Variants in CEP85L observed in about 807,000 individuals in gnomAD.
The protein encoded by CEP85L is centrosomal protein 85L, also known as centrosomal protein of 85 kDa-like.
A neutral mutation model predicts 100.3 loss-of-function variants in CEP85L; 60 were observed. The ratio of observed to expected loss-of-function variants is 0.60; its 90% CI spans 0.49 to 0.74. The LOEUF is 0.74. Among genes scored for constraint, CEP85L ranks in the 30% least tolerant of loss-of-function variants. The pLI is 0.00. For missense variants in CEP85L, 973 were observed against 936.2 expected, an observed-to-expected ratio of 1.04 and a Z score of -0.51; for synonymous variants, 319 against 322.7, an observed-to-expected ratio of 0.99 and a Z score of 0.12.
intron 1 of CEP85L, among the ~76,000 whole-genome samples, chr6:118,669,035 C>T (rs1776216103): frequency 6.6e-6 from 1 of 152,172 alleles, no homozygotes; most frequent in Non-Finnish European, 1.5e-5. Context: ...AACTTTCTGA[C>T]TTAAGACATT....
At chr6:118,605,787 C>G (rs1772157851) in intron 2 of CEP85L, among the ~76,000 whole-genome samples, 1 of 152,074 alleles carries the variant, frequency 6.6e-6, no homozygotes, top group African/African-American at 2.4e-5. Flanking sequence ...CCGAGGCGGG[C>G]AGATCACGAG....
chr6:118,491,535 G>A (rs1049750127), intron 6 of CEP85L, 151 bp downstream of exon 6: 2 of 1,417,894 alleles, frequency 1.4e-6, no homozygotes, highest in African/African-American at 2.9e-5. Context: ...GCAGACAGCA[G>A]AGGGCTTCTC....
At chr6:118,474,107 T>C in intron 10 of CEP85L, among the ~76,000 whole-genome samples, 1 of 152,166 alleles carries the variant, frequency 6.6e-6, no homozygotes, top group East Asian at 1.9e-4. Context: ...TACCACTCAA[T>C]GAAATTGGTG....
chr6:118,476,957 C>A (rs970685033), intron 10 of CEP85L, among the ~76,000 whole-genome samples: 1 of 152,106 alleles, frequency 6.6e-6, no homozygotes, highest in East Asian at 1.9e-4. Context: ...AAAAGGCTTA[C>A]GGATTTGAAA....
At chr6:118,626,614 G>A (rs1216445013) in intron 2 of CEP85L, among the ~76,000 whole-genome samples, 2 of 152,024 alleles carry the variant, frequency 1.3e-5, no homozygotes, top group Non-Finnish European at 2.9e-5. Context: ...AGTTTAAAAG[G>A]CAATCACCCA....
At chr6:118,590,755 T>C (rs1053455062) in intron 2 of CEP85L, among the ~76,000 whole-genome samples, 21 of 152,180 alleles carry the variant, frequency 1.4e-4, no homozygotes, top group African/African-American at 3.9e-4. Flanking sequence ...AAACAAGTAT[T>C]GTCAGGTATT....
chr6:118,525,750 T>C (rs774451098), intron 3 of CEP85L, among the ~76,000 whole-genome samples: 1 of 152,216 alleles, frequency 6.6e-6, no homozygotes, highest in Admixed American at 6.5e-5. Flanking sequence ...AGCTAGCTCA[T>C]TTGTGATACT....
intron 1 of CEP85L, among the ~76,000 whole-genome samples, chr6:118,675,416 T>C (rs1219293758): frequency 6.6e-6 from 1 of 152,022 alleles, no homozygotes; most frequent in Non-Finnish European, 1.5e-5. Context: ...AATTAGATAA[T>C]GTTGATGGTT....
intron 1 of CEP85L, among the ~76,000 whole-genome samples, chr6:118,661,107 A>G (rs982605806): frequency 6.6e-6 from 1 of 152,010 alleles, no homozygotes; most frequent in African/African-American, 2.4e-5. Flanking sequence ...GGCTGGTCTC[A>G]AACTCCTGAC....
intron 2 of CEP85L, among the ~76,000 whole-genome samples, chr6:118,604,481 G>A (rs569999655): frequency 9.2e-5 from 14 of 152,096 alleles, no homozygotes; most frequent in Admixed American, 6.5e-4. Flanking sequence ...CCACATTCCC[G>A]TGCCTTCTTA....
intron 6 of CEP85L, among the ~76,000 whole-genome samples, chr6:118,484,793 T>C (rs1343119513): frequency 6.6e-6 from 1 of 152,154 alleles, no homozygotes; most frequent in Non-Finnish European, 1.5e-5. Flanking sequence ...TGCAGAGAAA[T>C]TGCTTATAGT....
chr6:118,576,875 G>A (rs756382188), intron 2 of CEP85L, among the ~76,000 whole-genome samples: 15 of 143,194 alleles, frequency 1.0e-4, no homozygotes, highest in Non-Finnish European at 2.0e-4. Flanking sequence ...GGCTGGAATA[G>A]ATTAAATATT....
intron 1 of CEP85L, among the ~76,000 whole-genome samples, chr6:118,671,161 G>A (rs556267892): frequency 2.0e-5 from 3 of 152,206 alleles, no homozygotes; most frequent in South Asian, 2.1e-4. Flanking sequence ...TATGGACAGT[G>A]GATCTCTATC....
At chr6:118,513,427 C>T (rs945499818) in intron 4 of CEP85L, among the ~76,000 whole-genome samples, 1 of 151,978 alleles carries the variant, frequency 6.6e-6, no homozygotes, top group Non-Finnish European at 1.5e-5. Context: ...AAATAGATTA[C>T]AGTGATAAAA....
At chr6:118,687,967 G>A (rs766140321) in intron 1 of CEP85L, among the ~76,000 whole-genome samples, 18 of 152,094 alleles carry the variant, frequency 1.2e-4, no homozygotes, top group East Asian at 1.9e-4. Flanking sequence ...CATGACCTGC[G>A]GCTTCTGATA....
chr6:118,627,198 C>CAAAAAAAAAAAAAAAAAAAAGAA (rs1773856883), intron 2 of CEP85L, among the ~76,000 whole-genome samples: 1 of 72,576 alleles, frequency 1.4e-5, no homozygotes, highest in Non-Finnish European at 2.6e-5. Context: ...GACTCCATCT[C>CAAAAAAAAAAAAAAAAAAAAGAA]AAAAAAAAAA....
intron 1 of CEP85L, 34 bp from the exon 2 acceptor site, chr6:118,632,645 T>A (rs772964027): frequency 6.4e-7 from 1 of 1,564,644 alleles, no homozygotes; most frequent in Non-Finnish European, 8.7e-7. Context: ...TTAACACATA[T>A]ATCTGAGTAG....
intron 2 of CEP85L, among the ~76,000 whole-genome samples, chr6:118,621,981 GCCT>G (rs1295294504): frequency 1.3e-4 from 20 of 152,158 alleles, no homozygotes; most frequent in Admixed American, 1.3e-3. Context: ...CCAGCCCTAA[GCCT>G]TCCCACGGGA....
chr6:118,590,744 A>G (rs936531561), intron 2 of CEP85L, among the ~76,000 whole-genome samples: 1 of 152,092 alleles, frequency 6.6e-6, no homozygotes, highest in African/African-American at 2.4e-5. Flanking sequence ...CCTACCCCAG[A>G]AAACAAGTAT....
Sources: gnomAD v4.1 joint callset for allele counts (sites outside exome capture counted in the v4.1 genomes callset) on GRCh38, gnomAD v4.1.1 for gene constraint, MANE v1.5 for transcripts, NCBI Gene and HGNC (gene_info 2026-07-23, HGNC 2026-07-21) for gene names.